Variants in TMEM33 observed in about 807,000 individuals in gnomAD.
TMEM33 encodes the protein transmembrane protein 33.
Under a neutral mutation model 29.7 loss-of-function variants are expected in TMEM33, and 16 were observed. That is an observed-to-expected ratio of 0.54 (90% CI 0.36 to 0.82). The LOEUF is 0.82. Among genes scored for constraint, TMEM33 ranks in the 40% least tolerant of loss-of-function variants. TMEM33 has a pLI of 0.00. For missense variants in TMEM33, 252 were observed against 295.3 expected (o/e 0.85, Z 1.08); for synonymous variants, 112 against 109.4 (o/e 1.02, Z -0.15).
intron 6 of TMEM33, 181 bp from the exon 7 acceptor site, chr4:41,953,889 G>A (rs1713148235): frequency 1.2e-5 from 8 of 683,562 alleles, no homozygotes; most frequent in East Asian, 9.0e-5. Flanking sequence ...AAAGTGTGAC[G>A]CAGAGACATG....
rs894375443 is a variant in TMEM33 at position 41,956,447 on chromosome 4, T to G, written c.*2248T>G. On this transcript the variant is annotated 3_prime_UTR_variant, in exon 7 of 7. Coordinates refer to ENST00000504986, the MANE Select transcript of TMEM33 (RefSeq NM_018126.3). ...AACTTATTTGAATTTCAACAGTTTTTTTTTCATTTCTTATTTTCCTTTTGT... is the reference window on the plus strand; with the variant it reads ...AACTTATTTGAATTTCAACAGTTTTGTTTTCATTTCTTATTTTCCTTTTGT... The G allele has an allele frequency of 1.3e-5, 2 of 152,228 alleles. No individual in the cohort carries two copies. The highest frequency in any genetic ancestry group is 6.5e-5 in the Admixed American group (1 of 15,284). 9.4% of individuals were successfully genotyped at this position (152,228 alleles called of 1,614,324 possible).
At chr4:41,939,759 C>G in intron 3 of TMEM33, 1 of 457,456 alleles carries the variant, frequency 2.2e-6, no homozygotes, top group Non-Finnish European at 4.4e-6. Flanking sequence ...AGGTCCTCAG[C>G]TCTTTCCATC....
At chr4:41,950,521 T>A (rs1050061380) in intron 6 of TMEM33, among the ~76,000 whole-genome samples, 1 of 152,166 alleles carries the variant, frequency 6.6e-6, no homozygotes, top group Non-Finnish European at 1.5e-5. Context: ...ACTTAGACTG[T>A]TATGTTCTTA....
rs950638863 is a variant in TMEM33, at chr4:41,954,791, G to A, written c.*592G>A. On this transcript the variant is annotated 3_prime_UTR_variant, in exon 7 of 7. Transcript: ENST00000504986. Reference sequence around the variant, plus strand: ...TATGATCTTCTAAAATTTTATTTCCGTAAGTACTTCTGTGGCCTTGAGTAT... The same window carrying A: ...TATGATCTTCTAAAATTTTATTTCCATAAGTACTTCTGTGGCCTTGAGTAT... The A allele has an allele frequency of 7.9e-5, 12 of 152,416 alleles. No homozygotes were observed. Among genetic ancestry groups the A allele is most frequent in the African/African-American group, 2.2e-4 (9 of 41,382 alleles). The allele number at this position is 152,416 out of a possible 1,614,324, so 9.4% of individuals were successfully genotyped here. A position where few individuals can be genotyped will look rare whatever the true frequency, so the allele number is the denominator to read the frequency against.
intron 5 of TMEM33, among the ~76,000 whole-genome samples, 197 bp from the exon 6 acceptor site, chr4:41,949,105 A>G (rs1222179772): frequency 6.6e-6 from 1 of 152,102 alleles, no homozygotes; most frequent in African/African-American, 2.4e-5. Context: ...ATTAAACAAC[A>G]TTTTACTCTT....
In TMEM33 at chr4:41,954,307, A is replaced by G. The variant is rs540445533; in HGVS notation, c.*108A>G. On this transcript the variant is annotated 3_prime_UTR_variant, in exon 7 of 7. Coordinates refer to ENST00000504986, the MANE Select transcript of TMEM33 (RefSeq NM_018126.3). Reference sequence around the variant, plus strand: ...TTACACTGACCTCAATCCAATTTACATAATTTACATAAATGCATCTCGGTG... The same window carrying G: ...TTACACTGACCTCAATCCAATTTACGTAATTTACATAAATGCATCTCGGTG... The G allele has an allele frequency of 4.3e-5, 48 of 1,114,220 alleles. No individual in the cohort carries two copies. Among genetic ancestry groups the G allele is most frequent in the Non-Finnish European group, 5.5e-5 (44 of 806,252 alleles). The allele number at this position is 1,114,220 out of a possible 1,614,324, so 69.0% of individuals were successfully genotyped here.
rs1713337286 is a variant in TMEM33, at chr4:41,958,041, TTCAC to T, written c.*3845_*3848del. The stretch of plus-strand genomic sequence containing the variant: ...TGCTTGTTTGTTTTTGAGACGGAGT[TTCAC>T]TCTTGTTGGCCAGGCTGGAGTGCAA... On this transcript the variant is annotated 3_prime_UTR_variant, in exon 7 of 7. Coordinates refer to ENST00000504986, the MANE Select transcript of TMEM33 (RefSeq NM_018126.3). 6.5e-6 allele frequency: 1 copy of T among 153,052 alleles called. No homozygotes were observed. The highest frequency in any genetic ancestry group is 2.1e-4 in the South Asian group (1 of 4,852). 9.5% of individuals were successfully genotyped at this position (153,052 alleles called of 1,614,324 possible).
chr4:41,941,325 C>G (rs1046850013), intron 3 of TMEM33, among the ~76,000 whole-genome samples: 1 of 152,178 alleles, frequency 6.6e-6, no homozygotes, highest in Non-Finnish European at 1.5e-5. Flanking sequence ...TTTGCAGTCA[C>G]CAATGTTAAA....
chr4:41,935,583 A>C (rs886922337), intron 1 of TMEM33, 54 bp downstream of exon 1: 3 of 1,560,196 alleles, frequency 1.9e-6, no homozygotes, highest in East Asian at 2.3e-5. Context: ...AGGAAGAAGC[A>C]GGAAGCGTTG....
chr4:41,941,171 A>G (rs960130039), intron 3 of TMEM33, among the ~76,000 whole-genome samples: 6 of 152,218 alleles, frequency 3.9e-5, no homozygotes, highest in African/African-American at 1.4e-4. Flanking sequence ...GTTTCAATGC[A>G]TGAGTCTGTA....
At chr4:41,951,375 A>G (rs571035897) in intron 6 of TMEM33, among the ~76,000 whole-genome samples, 2 of 152,296 alleles carry the variant, frequency 1.3e-5, no homozygotes, top group South Asian at 4.1e-4. Flanking sequence ...TGTCAGTGCT[A>G]TTAAGGAACT....
intron 1 of TMEM33, among the ~76,000 whole-genome samples, chr4:41,936,140 A>T (rs1428222072): frequency 6.6e-6 from 1 of 152,236 alleles, no homozygotes; most frequent in African/African-American, 2.4e-5. Flanking sequence ...TGTGACCACA[A>T]TGCAGTTACC....
chr4:41,959,675 C>T lies in TMEM33; in HGVS notation c.*5476C>T, dbSNP rs758357604. ...CTATTTTCTCTTGTAACTGTTAGAA[C>T]AGTTCCTTTTGACATTAATTTTTGC... On this transcript the variant is annotated 3_prime_UTR_variant, in exon 7 of 7. Transcript: ENST00000504986. 1.3e-5 allele frequency: 2 copies of T among 152,134 alleles called. No individual in the cohort carries two copies. Among genetic ancestry groups the T allele is most frequent in the Non-Finnish European group, 2.9e-5 (2 of 68,006 alleles). The allele number at this position is 152,134 out of a possible 1,614,324, so 9.4% of individuals were successfully genotyped here. A position where few individuals can be genotyped will look rare whatever the true frequency, so the allele number is the denominator to read the frequency against.
Position 41,947,484 on chromosome 4 carries a change from A to G in TMEM33, c.531-1818A>G, listed in dbSNP as rs148654938. Among the ~76,000 whole-genome samples, 671 of 152,258 alleles carry G rather than the reference A, an allele frequency of 4.4e-3. 7 individuals carry two copies. Among genetic ancestry groups the G allele is most frequent in the African/African-American group, 0.015 (625 of 41,560 alleles). On this transcript the variant is annotated intron_variant, in intron 5 of 6. Coordinates refer to ENST00000504986, the MANE Select transcript of TMEM33 (RefSeq NM_018126.3). ...TTGACTGCGTTGGTACATTAATTCA[A>G]TTGTGCTCCTTAAATGTTTAATTTA...
At chr4:41,943,895 G>A in intron 4 of TMEM33, 81 bp downstream of exon 4, 1 of 1,294,146 alleles carries the variant, frequency 7.7e-7, no homozygotes, top group Non-Finnish European at 1.1e-6. Flanking sequence ...TTTGGTATTT[G>A]TCACAAAAAG....
At chr4:41,953,806 C>A (rs1444387367) in intron 6 of TMEM33, 1 of 493,280 alleles carries the variant, frequency 2.0e-6, no homozygotes, top group Non-Finnish European at 4.0e-6. Flanking sequence ...AAAGAGATCA[C>A]CGTAACAGAA....
intron 5 of TMEM33, among the ~76,000 whole-genome samples, chr4:41,946,704 G>A (rs1560517997): frequency 1.3e-5 from 2 of 152,092 alleles, no homozygotes; most frequent in Admixed American, 6.5e-5. Flanking sequence ...TGGGACAGCA[G>A]AAAAAGGGAC....
rs899533803 is a variant in TMEM33 at position 41,956,443 on chromosome 4, T to G, written c.*2244T>G. The G allele has an allele frequency of 2.6e-5, 4 of 151,078 alleles. No individual in the cohort carries two copies. The highest frequency in any genetic ancestry group is 1.3e-4 in the Admixed American group (2 of 15,122). 9.4% of individuals were successfully genotyped at this position (151,078 alleles called of 1,614,324 possible). A position where few individuals can be genotyped will look rare whatever the true frequency, so the allele number is the denominator to read the frequency against. ...ATAAAACTTATTTGAATTTCAACAG[T>G]TTTTTTTTCATTTCTTATTTTCCTT... On this transcript the variant is annotated 3_prime_UTR_variant, in exon 7 of 7. Transcript: ENST00000504986.
chr4:41,940,051 T>C (rs1047978897), intron 3 of TMEM33, among the ~76,000 whole-genome samples: 14 of 125,574 alleles, frequency 1.1e-4, no homozygotes, highest in East Asian at 1.0e-3. Flanking sequence ...ACTTTCTTTT[T>C]TTTTTTTTTT....
Sources: gnomAD v4.1 joint callset for allele counts (sites outside exome capture counted in the v4.1 genomes callset) on GRCh38, gnomAD v4.1.1 for gene constraint, MANE v1.5 for transcripts, NCBI Gene and HGNC (gene_info 2026-07-23, HGNC 2026-07-21) for gene names.